Variants in FANCC observed in about 807,000 individuals in gnomAD.
FANCC encodes the protein Fanconi anemia group C protein.
A neutral mutation model predicts 71.3 loss-of-function variants in FANCC; 55 were observed. That is an observed-to-expected ratio of 0.77 (90% confidence interval 0.62 to 0.97). The LOEUF is 0.97. FANCC is among the 50% of genes least tolerant of loss of function. The pLI is 0.00. For missense variants in FANCC, 678 were observed against 670.9 expected (o/e 1.01, Z -0.12); for synonymous variants, 275 against 244.9 (o/e 1.12, Z -1.15).
chr9:95,141,404 G>A (rs772807021), intron 7 of FANCC, among the ~76,000 whole-genome samples: 61 of 144,518 alleles, frequency 4.2e-4, no homozygotes, highest in Admixed American at 1.3e-3. Flanking sequence ...GGGAGTTTTA[G>A]TTACTGCTAA....
At chr9:95,164,642 A>C (rs1452114911) in intron 6 of FANCC, among the ~76,000 whole-genome samples, 1 of 152,022 alleles carries the variant, frequency 6.6e-6, no homozygotes, top group East Asian at 1.9e-4. Flanking sequence ...TCAAGGAATA[A>C]TTTTCATTCA....
At chr9:95,239,265 T>A (rs1035457525) in intron 4 of FANCC, among the ~76,000 whole-genome samples, 1 of 152,192 alleles carries the variant, frequency 6.6e-6, no homozygotes, top group African/African-American at 2.4e-5. Flanking sequence ...GTGACCTGGT[T>A]ACCAGTCTGG....
intron 1 of FANCC, among the ~76,000 whole-genome samples, chr9:95,297,252 A>G (rs1043901544): frequency 5.3e-4 from 81 of 152,170 alleles, no homozygotes; most frequent in African/African-American, 1.8e-3. Context: ...TTCTCTAGGC[A>G]TCTACACTGA....
chr9:95,274,679 C>A (rs1036393580), intron 1 of FANCC, among the ~76,000 whole-genome samples: 1 of 152,202 alleles, frequency 6.6e-6, no homozygotes, highest in African/African-American at 2.4e-5. Context: ...AAATTTCATT[C>A]TAGCTCCAGT....
At chr9:95,238,689 C>T (rs1830460776) in intron 4 of FANCC, among the ~76,000 whole-genome samples, 1 of 152,058 alleles carries the variant, frequency 6.6e-6, no homozygotes, top group African/African-American at 2.4e-5. Context: ...CCTCAGCCTC[C>T]CTAGTAGCTG....
intron 6 of FANCC, among the ~76,000 whole-genome samples, chr9:95,158,781 T>C (rs541294069): frequency 6.6e-6 from 1 of 152,346 alleles, no homozygotes; most frequent in Non-Finnish European, 1.5e-5. Context: ...TCTTGGTCTC[T>C]GCCCGAGGGA....
At chr9:95,127,965 C>G (rs1826260210) in intron 8 of FANCC, among the ~76,000 whole-genome samples, 1 of 152,226 alleles carries the variant, frequency 6.6e-6, no homozygotes, top group Non-Finnish European at 1.5e-5. Context: ...AATCTATGCT[C>G]CCTCATCCTT....
chr9:95,180,140 G>T (rs1223020149), intron 4 of FANCC, among the ~76,000 whole-genome samples: 2 of 152,062 alleles, frequency 1.3e-5, no homozygotes, highest in African/African-American at 4.8e-5. Flanking sequence ...AAAAACTGAA[G>T]CACACACATT....
At chr9:95,107,989 C>G (rs1322130410) in intron 13 of FANCC, among the ~76,000 whole-genome samples, 1 of 152,186 alleles carries the variant, frequency 6.6e-6, no homozygotes, top group Non-Finnish European at 1.5e-5. Flanking sequence ...CCAGTCGTGA[C>G]TTGGAAAACA....
chr9:95,251,271 C>T (rs1831312212), intron 1 of FANCC, among the ~76,000 whole-genome samples: 1 of 152,122 alleles, frequency 6.6e-6, no homozygotes, highest in African/African-American at 2.4e-5. Flanking sequence ...AGCTAAATGC[C>T]ACAGCAAAAC....
chr9:95,272,945 TG>T, intron 1 of FANCC, among the ~76,000 whole-genome samples: 1 of 152,172 alleles, frequency 6.6e-6, no homozygotes, highest in East Asian at 1.9e-4. Flanking sequence ...GGCAAAGGTG[TG>T]GGGGTAGGGG....
At chr9:95,135,946 T>C (rs1487271974) in intron 7 of FANCC, among the ~76,000 whole-genome samples, 1 of 152,208 alleles carries the variant, frequency 6.6e-6, no homozygotes, top group African/African-American at 2.4e-5. Context: ...TCAGAGAAGT[T>C]AACCTCAGTT....
chr9:95,291,713 C>T (rs982650372), intron 1 of FANCC, among the ~76,000 whole-genome samples: 3 of 151,722 alleles, frequency 2.0e-5, no homozygotes, highest in South Asian at 4.2e-4. Flanking sequence ...TTTGGGAGGC[C>T]GAGGCAGGTG....
At chr9:95,295,965 T>C (rs1564837109) in intron 1 of FANCC, among the ~76,000 whole-genome samples, 2 of 152,168 alleles carry the variant, frequency 1.3e-5, no homozygotes, top group African/African-American at 4.8e-5. Context: ...GTAGAGCTTA[T>C]ATTAAGTGTT....
chr9:95,243,958 A>C (rs1233046295), intron 3 of FANCC, among the ~76,000 whole-genome samples: 1 of 152,250 alleles, frequency 6.6e-6, no homozygotes, highest in South Asian at 2.1e-4. Flanking sequence ...GGCATACCTC[A>C]ACAGGAAACT....
At chr9:95,131,452 C>T (rs186785528) in intron 8 of FANCC, among the ~76,000 whole-genome samples, 2 of 152,202 alleles carry the variant, frequency 1.3e-5, no homozygotes, top group African/African-American at 4.8e-5. Flanking sequence ...AGGTCTGCAT[C>T]CCCAACTGCA....
At chr9:95,125,492 G>A (rs1381186640) in intron 9 of FANCC, among the ~76,000 whole-genome samples, 1 of 152,120 alleles carries the variant, frequency 6.6e-6, no homozygotes, top group Non-Finnish European at 1.5e-5. Flanking sequence ...GCCTGGACAC[G>A]CAACATCAAC....
At chr9:95,239,440 C>G (rs529457609) in intron 4 of FANCC, among the ~76,000 whole-genome samples, 1 of 152,236 alleles carries the variant, frequency 6.6e-6, no homozygotes, top group Non-Finnish European at 1.5e-5. Context: ...GAAAGTTAAT[C>G]CAGTCACTCT....
chr9:95,216,625 A>G (rs1828880327), intron 4 of FANCC, among the ~76,000 whole-genome samples: 1 of 152,224 alleles, frequency 6.6e-6, no homozygotes. Context: ...CAATAAGAAT[A>G]ATGTCTTCCT....
Sources: allele counts gnomAD v4.1 joint callset (sites outside exome capture counted in the v4.1 genomes callset), GRCh38; gene constraint gnomAD v4.1.1; transcripts MANE v1.5; gene names NCBI Gene and HGNC (gene_info 2026-07-23, HGNC 2026-07-21).